The following PDE1C variants were observed in gnomAD, a reference collection of about 807,000 sequenced individuals.
PDE1C encodes phosphodiesterase 1C, also known as dual specificity calcium/calmodulin-dependent 3',5'-cyclic nucleotide phosphodiesterase 1C.
PDE1C carries 62 observed loss-of-function variants against 93.1 expected under a neutral mutation model. The observed-to-expected ratio is 0.67, with a 90% confidence interval of 0.54 to 0.82. The LOEUF is 0.82. Ranked by LOEUF, PDE1C falls within the 40% of genes least tolerant of loss-of-function variation. The probability of loss-of-function intolerance (pLI) is 0.00; values close to 1 mark genes in which losing one functional copy is unlikely to be tolerated. For synonymous variants in PDE1C, 325 were observed against 310.1 expected, an observed-to-expected ratio of 1.05 and a Z score of -0.50; for missense variants, 742 against 884.6, an observed-to-expected ratio of 0.84 and a Z score of 2.04.
chr7:32,283,252 T>C (rs1017305588), intron 1 of PDE1C, among the ~76,000 whole-genome samples: 3 of 152,220 alleles, frequency 2.0e-5, no homozygotes, highest in African/African-American at 4.8e-5. Flanking sequence ...AATTATACAT[T>C]GTTAGATGGG....
chr7:32,016,965 G>A (rs560490427), intron 2 of PDE1C, among the ~76,000 whole-genome samples: 17 of 152,216 alleles, frequency 1.1e-4, no homozygotes, highest in South Asian at 4.1e-4. Context: ...CGAAGCCTGC[G>A]TCCAACATTT....
chr7:32,377,250 A>C (rs981910772), intron 1 of PDE1C, among the ~76,000 whole-genome samples: 1 of 152,196 alleles, frequency 6.6e-6, no homozygotes, highest in Non-Finnish European at 1.5e-5. Context: ...GAAAGAGTTC[A>C]GGAAACCTGA....
intron 3 of PDE1C, among the ~76,000 whole-genome samples, chr7:32,103,117 C>T (rs1014840367): frequency 6.6e-6 from 1 of 152,090 alleles, no homozygotes; most frequent in Non-Finnish European, 1.5e-5. Flanking sequence ...AGTTTTATCA[C>T]CTCAACTATC....
At chr7:31,747,944 C>T (rs1548830), downstream of PDE1C, among the ~76,000 whole-genome samples, 140,744 of 151,912 alleles carry the variant, frequency 0.93, 65,697 homozygotes, top group East Asian at 1. Flanking sequence ...ACTGTGCTTA[C>T]ATTTTAGCAG....
intron 1 of PDE1C, among the ~76,000 whole-genome samples, chr7:32,332,846 A>T (rs1783541689): frequency 6.6e-6 from 1 of 152,216 alleles, no homozygotes; most frequent in Non-Finnish European, 1.5e-5. Flanking sequence ...CTATTCTAGG[A>T]TGATAAAAGT....
chr7:31,703,738 G>A, the PDE1C span, among the ~76,000 whole-genome samples: 1,000 of 152,318 alleles, frequency 6.6e-3, 9 homozygotes, highest in African/African-American at 0.023. Flanking sequence ...ATACACTCTG[G>A]AGACATCTCT....
chr7:32,059,323 C>T (rs886706), intron 1 of PDE1C, among the ~76,000 whole-genome samples: 26,136 of 152,036 alleles, frequency 0.17, 3,107 homozygotes, highest in African/African-American at 0.33. Flanking sequence ...TTCTTAGGAG[C>T]AAGTGCATTT....
At chr7:31,849,159 A>T (rs1793011967) in intron 8 of PDE1C, among the ~76,000 whole-genome samples, 1 of 152,214 alleles carries the variant, frequency 6.6e-6, no homozygotes, top group Admixed American at 6.5e-5. Flanking sequence ...TGAGTAAGTT[A>T]GATACCAACT....
rs573778265 is a variant in PDE1C at position 32,259,685 on chromosome 7, AG to A, written c.85+38965del. ...AGGATTGTATTTGTTCTCCTCATCC[AG>A]CCCCAGAGAAATTCCTTGAGCTAAC... is the stretch of plus-strand genomic sequence containing the variant. On this transcript the variant is annotated intron_variant, in intron 1 of 18. Transcript: ENST00000396193. 2.5e-3 allele frequency among the ~76,000 whole-genome samples: 382 copies of A among 152,326 alleles called. 2 individuals carry two copies. Among genetic ancestry groups the A allele is most frequent in the African/African-American group, 8.8e-3 (364 of 41,576 alleles).
chr7:31,762,368 T>C (rs1794887699), intron 17 of PDE1C, among the ~76,000 whole-genome samples: 1 of 152,080 alleles, frequency 6.6e-6, no homozygotes, highest in Admixed American at 6.5e-5. Context: ...TGAGATGGAG[T>C]CTCGCTCTGT....
In PDE1C at chr7:32,046,205, CT is replaced by C. The variant is rs75414654; in HGVS notation, c.128+5348del. ...TCTAGAATATTTTTGAGCCATTTGCCTTTTTTTTAAAAAAAAAAAAGAAAGC... is the reference window on the plus strand; with the variant it reads ...TCTAGAATATTTTTGAGCCATTTGCCTTTTTTTAAAAAAAAAAAAGAAAGC... On this transcript the variant is annotated intron_variant, in intron 2 of 17. Coordinates refer to ENST00000396191, the MANE Select transcript of PDE1C (RefSeq NM_001191057.4). Among the ~76,000 whole-genome samples the C allele has an allele frequency of 2.1e-4, 24 of 115,796 alleles. No homozygotes were observed. In the South Asian group the frequency reaches 5.6e-3, roughly 27 times the overall value. 76.0% of individuals were successfully genotyped at this position (115,796 alleles called of 152,430 possible). A position where few individuals can be genotyped will look rare whatever the true frequency, so the allele number is the denominator to read the frequency against.
chr7:31,999,543 C>T (rs1785184248), intron 2 of PDE1C, among the ~76,000 whole-genome samples: 1 of 152,162 alleles, frequency 6.6e-6, no homozygotes, highest in South Asian at 2.1e-4. Context: ...GAAGCCACTT[C>T]ACACTCAGCT....
chr7:31,870,071 A>G (rs1425710105), intron 6 of PDE1C, among the ~76,000 whole-genome samples: 1 of 151,990 alleles, frequency 6.6e-6, no homozygotes, highest in East Asian at 1.9e-4. Flanking sequence ...ATGAAAATCT[A>G]AACATATCAA....
intron 1 of PDE1C, among the ~76,000 whole-genome samples, chr7:32,380,404 AT>A (rs55965828): frequency 0.12 from 15,878 of 137,226 alleles, 2,342 homozygotes; most frequent in African/African-American, 0.35. Context: ...TGCCCGGCTA[AT>A]TTTTTTTTTT....
At chr7:32,118,517 T>C (rs1268781778) in intron 3 of PDE1C, among the ~76,000 whole-genome samples, 1 of 152,264 alleles carries the variant, frequency 6.6e-6, no homozygotes, top group Non-Finnish European at 1.5e-5. Context: ...TTGTTCCTGC[T>C]GCTACAATAG....
At chr7:32,056,320 T>TCTCTC (rs1554488808) in intron 1 of PDE1C, among the ~76,000 whole-genome samples, 2 of 111,030 alleles carry the variant, frequency 1.8e-5, no homozygotes, top group African/African-American at 3.7e-5. Flanking sequence ...GGGTCCACCG[T>TCTCTC]TCTCTCTCTC....
chr7:31,643,070 G>C, the PDE1C span: 2 of 1,613,826 alleles, frequency 1.2e-6, no homozygotes, highest in Non-Finnish European at 1.7e-6. Context: ...CATCCTCTGG[G>C]GTTTATGGTA....
rs201512159 is a variant in PDE1C at position 32,112,799 on chromosome 7, CATAT to C, written c.308+56982_308+56985del. ...TGATTACATATAAAACATATATATACATATATGTGTGTGTGTGTGTGTGTGTGTG... is the reference window on the plus strand; with the variant it reads ...TGATTACATATAAAACATATATATACATGTGTGTGTGTGTGTGTGTGTGTG... On this transcript the variant is annotated intron_variant, in intron 3 of 18. Coordinates refer to the PDE1C transcript ENST00000396193. Among the ~76,000 whole-genome samples the C allele has an allele frequency of 3.7e-3, 333 of 90,898 alleles. 2 individuals carry two copies. Among genetic ancestry groups the C allele is most frequent in the Non-Finnish European group, 6.8e-3 (260 of 38,386 alleles). 59.6% of individuals were successfully genotyped at this position (90,898 alleles called of 152,430 possible). A position where few individuals can be genotyped will look rare whatever the true frequency, so the allele number is the denominator to read the frequency against.
At chr7:32,146,468 T>G (rs2128785002) in intron 3 of PDE1C, among the ~76,000 whole-genome samples, 1 of 152,286 alleles carries the variant, frequency 6.6e-6, no homozygotes, top group African/African-American at 2.4e-5. Context: ...ATTTTCCTAG[T>G]TAGCAGTGTG....
Sources: gnomAD v4.1 joint callset for allele counts (sites outside exome capture counted in the v4.1 genomes callset) on GRCh38, gnomAD v4.1.1 for gene constraint, MANE v1.5 for transcripts, NCBI Gene and HGNC (gene_info 2026-07-23, HGNC 2026-07-21) for gene names.